GABBR2: variants seen among roughly 807,000 people sequenced by gnomAD.
GABBR2 encodes the protein gamma-aminobutyric acid type B receptor subunit 2.
A neutral mutation model predicts 105.6 loss-of-function variants in GABBR2; 23 were observed. That is an observed-to-expected ratio of 0.22 (90% CI 0.16 to 0.31). The LOEUF is 0.31. Among genes scored for constraint, GABBR2 ranks in the 10% least tolerant of loss-of-function variants. The probability of loss-of-function intolerance (pLI) is 1.00; values close to 1 mark genes in which losing one functional copy is unlikely to be tolerated. For missense variants in GABBR2, 734 were observed against 1,245.5 expected (o/e 0.59, Z 6.18); for synonymous variants, 478 against 499.7 (o/e 0.96, Z 0.58).
intron 14 of GABBR2, among the ~76,000 whole-genome samples, chr9:98,309,609 C>A (rs1830605837): frequency 6.6e-6 from 1 of 152,230 alleles, no homozygotes; most frequent in Non-Finnish European, 1.5e-5. Context: ...GCCCTCAGGT[C>A]TGTGCCACCC....
At chr9:98,654,953 G>A (rs1383097236) in intron 1 of GABBR2, among the ~76,000 whole-genome samples, 1 of 152,156 alleles carries the variant, frequency 6.6e-6, no homozygotes, top group African/African-American at 2.4e-5. Context: ...GAAAAGACCT[G>A]GAGGGTCTTT....
intron 1 of GABBR2, chr9:98,606,968 C>T: frequency 2.6e-6 from 2 of 772,512 alleles, no homozygotes; most frequent in African/African-American, 1.7e-5. Flanking sequence ...CGCCTGCATC[C>T]AAACCGCTGC....
At chr9:98,572,967 C>A (rs1011234663) in intron 2 of GABBR2, among the ~76,000 whole-genome samples, 38 of 152,198 alleles carry the variant, frequency 2.5e-4, no homozygotes, top group African/African-American at 8.9e-4. Context: ...TCTTCCCCCA[C>A]AAGGAGCCTG....
chr9:98,642,466 C>G (rs1225601821), intron 1 of GABBR2, among the ~76,000 whole-genome samples: 1 of 152,190 alleles, frequency 6.6e-6, no homozygotes, highest in African/African-American at 2.4e-5. Context: ...TTTATCATGT[C>G]CTTCCTCAAA....
intron 2 of GABBR2, among the ~76,000 whole-genome samples, chr9:98,561,685 C>T (rs1379211845): frequency 6.6e-6 from 1 of 152,114 alleles, no homozygotes; most frequent in Admixed American, 6.5e-5. Context: ...GAGTTTGAAT[C>T]CAGCCTGAGC....
At chr9:98,480,257 C>T (rs1302654991) in intron 5 of GABBR2, among the ~76,000 whole-genome samples, 1 of 152,118 alleles carries the variant, frequency 6.6e-6, no homozygotes, top group Non-Finnish European at 1.5e-5. Flanking sequence ...TGACTTAGTT[C>T]CTGTGTTCTG....
chr9:98,484,348 C>T (rs1329496807), intron 4 of GABBR2, among the ~76,000 whole-genome samples: 2 of 152,206 alleles, frequency 1.3e-5, no homozygotes, highest in Non-Finnish European at 2.9e-5. Flanking sequence ...CCCAGGGCTC[C>T]ACAGAACCAA....
chr9:98,670,702 G>A (rs76780416), intron 1 of GABBR2, among the ~76,000 whole-genome samples: 17,500 of 152,196 alleles, frequency 0.11, 1,119 homozygotes, highest in African/African-American at 0.17. Flanking sequence ...ACTGGAGGAC[G>A]TTGTATTAAA....
At chr9:98,514,585 TG>T (rs1827720164) in intron 3 of GABBR2, among the ~76,000 whole-genome samples, 1 of 129,408 alleles carries the variant, frequency 7.7e-6, no homozygotes, top group African/African-American at 3.0e-5. Flanking sequence ...CACTCATAGG[TG>T]GGAATTGAAC....
At chr9:98,550,516 C>T (rs556878799) in intron 2 of GABBR2, among the ~76,000 whole-genome samples, 38 of 152,292 alleles carry the variant, frequency 2.5e-4, no homozygotes, top group African/African-American at 8.2e-4. Flanking sequence ...AGTCATACTG[C>T]CTCCATCCTC....
intron 13 of GABBR2, among the ~76,000 whole-genome samples, chr9:98,354,310 A>C (rs762586556): frequency 5.3e-5 from 8 of 152,236 alleles, no homozygotes; most frequent in Non-Finnish European, 1.5e-5. Context: ...GGAAATGGGC[A>C]CTGGCTTCAA....
At chr9:98,630,967 G>T (rs915307387) in intron 1 of GABBR2, among the ~76,000 whole-genome samples, 1 of 152,108 alleles carries the variant, frequency 6.6e-6, no homozygotes, top group Non-Finnish European at 1.5e-5. Flanking sequence ...GCCACACGTG[G>T]CTGGTGGCTA....
At chr9:98,556,610 G>T (rs1828588566) in intron 2 of GABBR2, among the ~76,000 whole-genome samples, 1 of 152,170 alleles carries the variant, frequency 6.6e-6, no homozygotes, top group African/African-American at 2.4e-5. Context: ...GGAAGTGAGT[G>T]CCGCTGTGTG....
chr9:98,330,887 C>A (rs1213940667), intron 13 of GABBR2, among the ~76,000 whole-genome samples: 1 of 152,088 alleles, frequency 6.6e-6, no homozygotes, highest in Non-Finnish European at 1.5e-5. Context: ...AACCCATATC[C>A]ATTAGCAATC....
chr9:98,679,721 T>C (rs1184398497), intron 1 of GABBR2, among the ~76,000 whole-genome samples: 2 of 152,150 alleles, frequency 1.3e-5, no homozygotes, highest in Non-Finnish European at 2.9e-5. Context: ...CCCGCCCTTT[T>C]CTCTTGAAGC....
At chr9:98,541,849 C>G in intron 3 of GABBR2, 24 bp downstream of exon 3, 1 of 1,611,282 alleles carries the variant, frequency 6.2e-7, no homozygotes, top group Non-Finnish European at 8.5e-7. Context: ...TAAGGCAGGC[C>G]GTGTCCACAC....
At chr9:98,684,181 A>T (rs1478664109) in intron 1 of GABBR2, among the ~76,000 whole-genome samples, 6 of 147,094 alleles carry the variant, frequency 4.1e-5, no homozygotes, top group Non-Finnish European at 6.0e-5. Context: ...AAAAAAAAAA[A>T]AAAAAAAAAA....
At chr9:98,336,437 G>A (rs1831116501) in intron 13 of GABBR2, among the ~76,000 whole-genome samples, 2 of 152,252 alleles carry the variant, frequency 1.3e-5, no homozygotes, top group Admixed American at 1.3e-4. Flanking sequence ...TGGGCGCAGT[G>A]GCTCATGCCT....
At chr9:98,608,113 G>C in intron 1 of GABBR2, 1 of 1,289,990 alleles carries the variant, frequency 7.8e-7, no homozygotes, top group African/African-American at 1.5e-5. Context: ...AAAAGAACAA[G>C]AAGAAAGGAA....
Sources: gnomAD v4.1 joint callset for allele counts (sites outside exome capture counted in the v4.1 genomes callset) on GRCh38, gnomAD v4.1.1 for gene constraint, MANE v1.5 for transcripts, NCBI Gene and HGNC (gene_info 2026-07-23, HGNC 2026-07-21) for gene names.